The following CFAP69 variants were observed in gnomAD, a reference collection of about 807,000 sequenced individuals.
CFAP69 encodes the protein cilia and flagella associated protein 69, also known as cilia- and flagella-associated protein 69.
In CFAP69, 92 loss-of-function variants were observed where a neutral mutation model predicts 123.0. The ratio of observed to expected loss-of-function variants is 0.75; its 90% CI spans 0.63 to 0.89. The LOEUF (loss-of-function observed/expected upper bound fraction) is 0.89. Ranked by LOEUF, CFAP69 falls within the 40% of genes least tolerant of loss-of-function variation. The pLI, the probability that CFAP69 is intolerant of heterozygous loss-of-function variation, is 0.00. For missense variants in CFAP69, 1,067 were observed against 1,096.9 expected (o/e 0.97, Z 0.39); for synonymous variants, 380 against 364.3 (o/e 1.04, Z -0.49).
At chr7:90,318,048 T>C in the CFAP69 span, 1 of 152,192 alleles carries the variant, frequency 6.6e-6, no homozygotes, top group African/African-American at 2.4e-5. Context: ...CCCTCTTCAC[T>C]AGGAGAAGTG....
At chr7:90,290,941 C>T (rs1318045070) in intron 15 of CFAP69, among the ~76,000 whole-genome samples, 1 of 152,048 alleles carries the variant, frequency 6.6e-6, no homozygotes, top group Non-Finnish European at 1.5e-5. Context: ...CTTGTTCAGT[C>T]CACATTCCCT....
intron 3 of CFAP69, among the ~76,000 whole-genome samples, chr7:90,260,202 G>T (rs913513254): frequency 6.6e-6 from 1 of 152,118 alleles, no homozygotes; most frequent in Non-Finnish European, 1.5e-5. Context: ...CCCTGAAAAT[G>T]ATCTTGAACA....
intron 13 of CFAP69, 132 bp downstream of exon 13, chr7:90,283,188 G>T: frequency 1.6e-6 from 1 of 635,644 alleles, no homozygotes; most frequent in South Asian, 4.7e-5. Context: ...CTTGATTTTT[G>T]TTTCATATTG....
the CFAP69 span, chr7:90,319,376 G>GA: frequency 2.5e-6 from 1 of 398,512 alleles, no homozygotes; most frequent in Non-Finnish European, 4.4e-6. Context: ...ATTTTCTGTG[G>GA]AAAATTATAT....
At chr7:90,283,110 T>A (rs1789736275) in intron 13 of CFAP69, 54 bp downstream of exon 13, 1 of 1,294,022 alleles carries the variant, frequency 7.7e-7, no homozygotes, top group Non-Finnish European at 1.0e-6. Flanking sequence ...TTAATAGTAG[T>A]AGTTTTGTTT....
At chr7:90,294,536 A>T (rs1415321133) in intron 15 of CFAP69, among the ~76,000 whole-genome samples, 1 of 152,232 alleles carries the variant, frequency 6.6e-6, no homozygotes, top group African/African-American at 2.4e-5. Context: ...TGAACCCTGG[A>T]CCGGGGCCGC....
intron 8 of CFAP69, 146 bp from the exon 9 acceptor site, chr7:90,273,841 C>T: frequency 3.7e-6 from 2 of 544,982 alleles, no homozygotes; most frequent in Non-Finnish European, 6.3e-6. Context: ...GGCACTAATT[C>T]CATTCATGAG....
chr7:90,291,886 C>T (rs968737599), intron 15 of CFAP69, among the ~76,000 whole-genome samples: 2 of 152,184 alleles, frequency 1.3e-5, no homozygotes, highest in African/African-American at 4.8e-5. Context: ...CTGGTTTTCA[C>T]ATTACCTAGC....
intron 20 of CFAP69, among the ~76,000 whole-genome samples, 153 bp from the exon 21 acceptor site, chr7:90,307,615 A>T (rs1231412642): frequency 1.3e-5 from 2 of 152,112 alleles, no homozygotes; most frequent in Non-Finnish European, 1.5e-5. Flanking sequence ...TTTTTGCATT[A>T]TAATTTTATT....
chr7:90,282,927 A>G lies in CFAP69; in HGVS notation c.1408A>G (p.Thr470Ala), dbSNP rs1341771849. ...FFSHGNSFHG[T>A]GGRGNKFAQM... ...CAGTCATGGTAACAGTTTTCATGGT[A>G]CAGGTGGCCGAGGCAACAAGTTTGC... The change falls in exon 13 of 23, where the codon ACA becomes GCA. Residue 470 changes from threonine (T) to alanine (A), a missense_variant. Transcript: ENST00000389297. 2 of 1,579,922 alleles carry G rather than the reference A, an allele frequency of 1.3e-6. No homozygotes were observed.
chr7:90,311,530 A>C (rs554468291), downstream of CFAP69, among the ~76,000 whole-genome samples: 14 of 152,290 alleles, frequency 9.2e-5, no homozygotes, highest in South Asian at 2.3e-3. Flanking sequence ...GAAAACATAG[A>C]TAGGTTCTTT....
At chr7:90,288,452 C>T (rs773800925) in intron 15 of CFAP69, 100 bp downstream of exon 15, 203 of 1,338,206 alleles carry the variant, frequency 1.5e-4, no homozygotes, top group Non-Finnish European at 1.9e-4. Flanking sequence ...TAGGCAATTT[C>T]ATCTTATGCA....
chr7:90,309,260 CAG>C lies in CFAP69; in HGVS notation c.2551-1_2551del. Reference sequence around the variant, plus strand: ...ATTTTCTTTCTAATTTAAAAATCCTCAGAAAGCAAAAAGCCTTCAAGAAAAAG... The same window carrying C: ...ATTTTCTTTCTAATTTAAAAATCCTCAAAGCAAAAAGCCTTCAAGAAAAAG... On this transcript the variant is annotated splice_acceptor_variant, in intron 21 of 22. Coordinates refer to ENST00000389297, the MANE Select transcript of CFAP69 (RefSeq NM_001039706.3). LOFTEE classifies it high-confidence loss of function. The C allele has an allele frequency of 7.0e-7, 1 of 1,425,406 alleles. No individual in the cohort carries two copies. The highest frequency in any genetic ancestry group is 9.5e-7 in the Non-Finnish European group (1 of 1,049,326). 88.3% of individuals were successfully genotyped at this position (1,425,406 alleles called of 1,614,324 possible).
the CFAP69 span, chr7:90,316,403 A>G: frequency 6.6e-6 from 1 of 152,352 alleles, no homozygotes; most frequent in African/African-American, 2.4e-5. Flanking sequence ...AAAGAGAAAT[A>G]CATATTGTCC....
chr7:90,311,888 T>C (rs981301990), downstream of CFAP69, among the ~76,000 whole-genome samples: 4 of 152,164 alleles, frequency 2.6e-5, no homozygotes, highest in African/African-American at 9.7e-5. Context: ...TTCAAGAAGA[T>C]ATTAGAAGGC....
At chr7:90,285,355 A>G (rs1325831911) in intron 13 of CFAP69, among the ~76,000 whole-genome samples, 1 of 152,104 alleles carries the variant, frequency 6.6e-6, no homozygotes, top group Non-Finnish European at 1.5e-5. Context: ...TCTACTTTGG[A>G]ACATAGCTCC....
In CFAP69 at chr7:90,300,014, G is replaced by A. The variant is rs1373537013; in HGVS notation, c.2005G>A (p.Glu669Lys). ...SLLIKLWRKE[E>K]KELGVKRDKN... is the part of the protein sequence containing the mutation. Reference sequence around the variant, plus strand: ...TTTAATTAAATTGTGGAGAAAGGAGGAAAAAGAACTAGGAGTAAAACGTGA... The same window carrying A: ...TTTAATTAAATTGTGGAGAAAGGAGAAAAAAGAACTAGGAGTAAAACGTGA... Residue 669 changes from glutamate (E) to lysine (K), a missense_variant, in exon 17 of 23, where the codon GAA (glutamate) becomes AAA (lysine). Physicochemically the swap from Glu to Lys is moderately conservative, Grantham distance 56 (BLOSUM62 1). Coordinates refer to ENST00000389297, the MANE Select transcript of CFAP69 (RefSeq NM_001039706.3). 3.7e-6 allele frequency: 6 copies of A among 1,607,110 alleles called. No individual in the cohort carries two copies. The highest frequency in any genetic ancestry group is 5.1e-6 in the Non-Finnish European group (6 of 1,177,298).
At chr7:90,316,443 T>C in the CFAP69 span, 1 of 152,230 alleles carries the variant, frequency 6.6e-6, no homozygotes, top group Non-Finnish European at 1.5e-5. Context: ...CCACCTTCTT[T>C]TTTATCTTCT....
chr7:90,284,482 A>T (rs1562891186), intron 13 of CFAP69, among the ~76,000 whole-genome samples: 1 of 152,222 alleles, frequency 6.6e-6, no homozygotes. Context: ...GGTTACAAAC[A>T]TGTATAGAGC....
Sources: gnomAD v4.1 joint callset for allele counts (sites outside exome capture counted in the v4.1 genomes callset) on GRCh38, gnomAD v4.1.1 for gene constraint, MANE v1.5 for transcripts, NCBI Gene and HGNC (gene_info 2026-07-23, HGNC 2026-07-21) for gene names.